The following OTOG variants were observed in gnomAD, a reference collection of about 807,000 sequenced individuals.
OTOG encodes otogelin.
In OTOG, 296 loss-of-function variants were observed where a neutral mutation model predicts 313.8. That is an observed-to-expected ratio of 0.94 (90% CI 0.86 to 1.04). OTOG has a LOEUF of 1.04. Among genes scored for constraint, OTOG ranks in the 50% least tolerant of loss-of-function variants. OTOG has a pLI of 0.00. For synonymous variants in OTOG, 1,533 were observed against 1,554.9 expected, an observed-to-expected ratio of 0.99 and a Z score of 0.33; for missense variants, 3,948 against 3,840.1, an observed-to-expected ratio of 1.03 and a Z score of -0.74.
intron 39 of OTOG, among the ~76,000 whole-genome samples, chr11:17,624,903 A>G (rs1351445668): frequency 1.3e-5 from 2 of 152,000 alleles, no homozygotes; most frequent in African/African-American, 4.8e-5. Flanking sequence ...TAGGTATTGG[A>G]TTCTTTTCGT....
chr11:17,599,132 T>G (rs1027564326), intron 30 of OTOG, among the ~76,000 whole-genome samples: 2 of 152,182 alleles, frequency 1.3e-5, no homozygotes, highest in Non-Finnish European at 1.5e-5. Flanking sequence ...GGATGACCAC[T>G]AGAGGGCAAG....
chr11:17,548,798 G>A (rs1301359658), intron 3 of OTOG, among the ~76,000 whole-genome samples: 3 of 151,992 alleles, frequency 2.0e-5, no homozygotes, highest in African/African-American at 7.3e-5. Flanking sequence ...GTTCACTGCA[G>A]CCTCAACTTC....
Position 17,570,335 on chromosome 11 carries a change from G to A in OTOG, c.1900G>A (p.Glu634Lys). The change falls in exon 17 of 56, where the codon GAG (glutamate) becomes AAG (lysine). Residue 634 changes from glutamate (E) to lysine (K), a missense_variant. Glu to Lys is a moderately conservative substitution (Grantham distance 56, BLOSUM62 1). Coordinates refer to ENST00000399397, the MANE Select transcript of OTOG (RefSeq NM_001292063.2). ...CCTGCAAGTGGACCAGCGATGGGTG[G>A]AGGATACCGTGGGCCTCTGCGGCAC... ...LYLQVDQRWVEDTVGLCGTFN... is the reference protein window; with the variant it reads ...LYLQVDQRWVKDTVGLCGTFN... 6.4e-7 allele frequency: 1 copy of A among 1,550,698 alleles called. No homozygotes were observed. Among genetic ancestry groups the A allele is most frequent in the Non-Finnish European group, 8.7e-7 (1 of 1,147,008 alleles).
chr11:17,576,045 C>A (rs957064119), intron 20 of OTOG, among the ~76,000 whole-genome samples: 11 of 152,182 alleles, frequency 7.2e-5, no homozygotes, highest in Non-Finnish European at 1.5e-4. Flanking sequence ...AGAACCCCTG[C>A]GAAGAATCAA....
At chr11:17,578,315 A>G (rs985931492) in intron 22 of OTOG, 58 bp from the exon 23 acceptor site, 6 of 1,411,168 alleles carry the variant, frequency 4.3e-6, no homozygotes, top group Non-Finnish European at 5.5e-6. Context: ...CTGCCCCTGT[A>G]GCCCAGGAGC....
chr11:17,555,176 T>C (rs900219628), intron 6 of OTOG, among the ~76,000 whole-genome samples: 6 of 147,836 alleles, frequency 4.1e-5, no homozygotes, highest in African/African-American at 1.5e-4. Context: ...GCCTTTGAAG[T>C]CTGGGTTCTG....
rs1412949718 is a variant in OTOG at position 17,591,464 on chromosome 11, G to T, written c.2882G>T (p.Gly961Val). The T allele has an allele frequency of 6.4e-7, 1 of 1,550,602 alleles. No individual in the cohort carries two copies. Among genetic ancestry groups the T allele is most frequent in the African/African-American group, 1.4e-5 (1 of 73,052 alleles). The change falls in exon 25 of 56, where the codon GGC (glycine) becomes GTC (valine). Residue 961 changes from glycine (G) to valine (V), a missense_variant. Physicochemically the swap from Gly to Val is moderately radical, Grantham distance 109. Transcript: ENST00000399397. ...GTGTTTTTCAGTGTGTGCCAGCGGG[G>T]CTCATTCCAGTGCACCCTGCACCCT... ...SPCHTCVCQR[G>V]SFQCTLHPCA...
intron 40 of OTOG, among the ~76,000 whole-genome samples, chr11:17,631,378 CTG>C (rs1554978367): frequency 7.8e-5 from 10 of 128,808 alleles, no homozygotes; most frequent in Admixed American, 1.4e-4. Flanking sequence ...CTCTCTCTCT[CTG>C]TGTGTGTGTG....
intron 25 of OTOG, 87 bp downstream of exon 25, chr11:17,591,675 T>A: frequency 6.7e-7 from 1 of 1,484,590 alleles, no homozygotes; most frequent in Non-Finnish European, 9.1e-7. Context: ...TGATGCAGAA[T>A]TGGGTGATCG....
chr11:17,573,081 C>A lies in OTOG; in HGVS notation c.2084C>A (p.Ser695Tyr), dbSNP rs1430140899. ...GCTCCTGTTCTTCCTTCCCCAGCCT[C>A]CTACTCAGTGCAGGCCTGCAGCGTG... is the stretch of plus-strand genomic sequence containing the variant. ...DPCDVHLQAA[S>Y]YSVQACSVLT... Residue 695 changes from serine (S) to tyrosine (Y), a missense_variant, in exon 19 of 56, where the codon TCC becomes TAC. Transcript: ENST00000399397. 5.2e-6 allele frequency: 8 copies of A among 1,546,564 alleles called. No homozygotes were observed. The East Asian group carries it at 1.5e-4, about 28-fold the overall frequency.
chr11:17,607,880 G>T (rs1164790494), intron 33 of OTOG, among the ~76,000 whole-genome samples: 1 of 152,196 alleles, frequency 6.6e-6, no homozygotes, highest in East Asian at 1.9e-4. Flanking sequence ...CAAGGAGGAG[G>T]TTACTGTGTC....
intron 24 of OTOG, among the ~76,000 whole-genome samples, chr11:17,590,049 TCTC>T (rs1852894541): frequency 6.6e-6 from 1 of 151,994 alleles, no homozygotes; most frequent in Admixed American, 6.6e-5. Flanking sequence ...CCAAGAGACC[TCTC>T]CTCCTCTCTA....
At chr11:17,571,963 G>A (rs763490945) in intron 17 of OTOG, 117 bp from the exon 18 acceptor site, 47 of 1,367,798 alleles carry the variant, frequency 3.4e-5, no homozygotes, top group Non-Finnish European at 4.5e-5. Flanking sequence ...ATATGGATGT[G>A]TAGATTATGA....
intron 12 of OTOG, among the ~76,000 whole-genome samples, 153 bp from the exon 13 acceptor site, chr11:17,560,556 T>C (rs1382714403): frequency 6.6e-6 from 1 of 152,214 alleles, no homozygotes; most frequent in African/African-American, 2.4e-5. Context: ...ACTTCTGGCC[T>C]GAGCCAAGGA....
intron 3 of OTOG, among the ~76,000 whole-genome samples, chr11:17,549,812 C>A (rs140251701): frequency 6.6e-6 from 1 of 151,666 alleles, no homozygotes; most frequent in Non-Finnish European, 1.5e-5. Flanking sequence ...CTCAGAGCAA[C>A]GAGGAATTAG....
intron 47 of OTOG, among the ~76,000 whole-genome samples, chr11:17,636,870 G>T (rs1333315478): frequency 2.6e-5 from 4 of 152,012 alleles, no homozygotes; most frequent in Non-Finnish European, 5.9e-5. Context: ...AGCCAAGGTT[G>T]CTCATTTGTA....
Position 17,573,207 on chromosome 11 carries a change from T to G in OTOG, c.2210T>G (p.Leu737Arg). 6.5e-7 allele frequency: 1 copy of G among 1,538,026 alleles called. No homozygotes were observed. The highest frequency in any genetic ancestry group is 8.7e-7 in the Non-Finnish European group (1 of 1,146,546). The change falls in exon 19 of 56, where the codon CTG becomes CGG. Residue 737 changes from leucine (L) to arginine (R), a missense_variant. Leu to Arg is a moderately radical substitution (Grantham distance 102). Transcript: ENST00000399397. Reference sequence around the variant, plus strand: ...GCCTGCCGCTGCGGGCAGCCCTGCCTGTGCGCCACACTGGCCCACTACGCC... The same window carrying G: ...GCCTGCCGCTGCGGGCAGCCCTGCCGGTGCGCCACACTGGCCCACTACGCC... ...RDACRCGQPC[L>R]CATLAHYAHL...
chr11:17,585,142 C>T (rs1852762906), intron 23 of OTOG, among the ~76,000 whole-genome samples: 1 of 152,172 alleles, frequency 6.6e-6, no homozygotes. Flanking sequence ...GTAGAATTTA[C>T]CAATCTTGGA....
intron 34 of OTOG, 30 bp downstream of exon 34, chr11:17,608,443 C>T: frequency 6.9e-7 from 1 of 1,444,752 alleles, no homozygotes; most frequent in Non-Finnish European, 9.3e-7. Context: ...GGGCATGGAG[C>T]CAAGGTGTGT....
Sources: gnomAD v4.1 joint callset for allele counts (sites outside exome capture counted in the v4.1 genomes callset) on GRCh38, gnomAD v4.1.1 for gene constraint, MANE v1.5 for transcripts, NCBI Gene and HGNC (gene_info 2026-07-23, HGNC 2026-07-21) for gene names.